SCAMP1: variants seen among roughly 807,000 people sequenced by gnomAD.
The protein encoded by SCAMP1 is secretory carrier-associated membrane protein 1.
In SCAMP1, 15 loss-of-function variants were observed where a neutral mutation model predicts 41.8. That is an observed-to-expected ratio of 0.36 (90% CI 0.24 to 0.55). SCAMP1 has a LOEUF of 0.55. SCAMP1 is among the 20% of genes least tolerant of loss of function. The pLI is 0.86. For synonymous variants in SCAMP1, 135 were observed against 136.8 expected, an observed-to-expected ratio of 0.99 and a Z score of 0.09; for missense variants, 341 against 412.6, an observed-to-expected ratio of 0.83 and a Z score of 1.50.
chr5:78,419,541 C>G (rs950372381), intron 5 of SCAMP1, among the ~76,000 whole-genome samples: 3 of 152,316 alleles, frequency 2.0e-5, no homozygotes, highest in Middle Eastern at 3.4e-3. Flanking sequence ...CAGTTTTACT[C>G]TGTGTGCACA....
chr5:78,369,709 C>T (rs899029642), intron 1 of SCAMP1, among the ~76,000 whole-genome samples: 2 of 152,090 alleles, frequency 1.3e-5, no homozygotes, highest in African/African-American at 4.8e-5. Flanking sequence ...ACTAGGTATT[C>T]CTGCATTTTC....
chr5:78,404,055 A>G (rs146046558), intron 2 of SCAMP1, among the ~76,000 whole-genome samples: 19 of 147,044 alleles, frequency 1.3e-4, no homozygotes, highest in Non-Finnish European at 2.4e-4. Flanking sequence ...GTTTGAGGCT[A>G]CAATTTGCTG....
Position 78,416,558 on chromosome 5 carries a change from A to G in SCAMP1, c.252A>G (p.Gln84=). The stretch of plus-strand genomic sequence containing the variant: ...TTATTTAGGAACATGCATTGGCCCA[A>G]GCTGAACTTCTTAAGCGCCAGGAAG... ...TQIAKEHALA[Q]AELLKRQEEL... Residue 84 remains glutamine (Q), a synonymous_variant, in exon 4 of 9, where the codon CAA becomes CAG. Transcript: ENST00000621999. 1 of 1,596,922 alleles carries G rather than the reference A, an allele frequency of 6.3e-7. No homozygotes were observed. Among genetic ancestry groups the G allele is most frequent in the East Asian group, 2.3e-5 (1 of 44,260 alleles).
chr5:78,466,465 G>C (rs1204972076), intron 8 of SCAMP1, among the ~76,000 whole-genome samples: 1 of 152,020 alleles, frequency 6.6e-6, no homozygotes, highest in Non-Finnish European at 1.5e-5. Context: ...AGGATAAGAG[G>C]GATAAGGAGG....
intron 6 of SCAMP1, among the ~76,000 whole-genome samples, chr5:78,433,706 A>G (rs780386796): frequency 6.6e-6 from 1 of 151,728 alleles, no homozygotes; most frequent in African/African-American, 2.4e-5. Context: ...CTCTTCGCAC[A>G]CTCTTCCCCC....
intron 2 of SCAMP1, among the ~76,000 whole-genome samples, chr5:78,402,666 T>A (rs10942851): frequency 6.6e-6 from 1 of 151,968 alleles, no homozygotes; most frequent in Non-Finnish European, 1.5e-5. Context: ...TTACTTCTAA[T>A]CCATATGTTT....
chr5:78,363,199 T>TTTTCTTTC (rs1192901986), intron 1 of SCAMP1, among the ~76,000 whole-genome samples: 2 of 138,470 alleles, frequency 1.4e-5, no homozygotes, highest in South Asian at 4.8e-4. Flanking sequence ...AGCAGATCGT[T>TTTTCTTTC]TTTCTTTCTT....
chr5:78,368,565 A>G (rs1750857305), intron 1 of SCAMP1, among the ~76,000 whole-genome samples: 1 of 152,226 alleles, frequency 6.6e-6, no homozygotes, highest in Non-Finnish European at 1.5e-5. Context: ...TCAGTTCCTT[A>G]AAATTAATAA....
chr5:78,443,505 T>G (rs1031912916), intron 6 of SCAMP1, among the ~76,000 whole-genome samples: 10 of 152,112 alleles, frequency 6.6e-5, no homozygotes, highest in African/African-American at 2.4e-4. Flanking sequence ...GGTCTAGGTT[T>G]GATATTGTTC....
intron 1 of SCAMP1, among the ~76,000 whole-genome samples, chr5:78,365,545 T>C (rs1750774737): frequency 6.6e-6 from 1 of 151,060 alleles, no homozygotes; most frequent in African/African-American, 2.4e-5. Context: ...TTTAGTGAAA[T>C]TTATGTTACT....
At chr5:78,470,703 T>C (rs1753865500) in intron 8 of SCAMP1, among the ~76,000 whole-genome samples, 2 of 152,162 alleles carry the variant, frequency 1.3e-5, no homozygotes, top group South Asian at 4.1e-4. Flanking sequence ...TGTAGTCTTA[T>C]AGTAATTCTA....
chr5:78,429,364 A>ATTTT (rs35131102), intron 6 of SCAMP1, among the ~76,000 whole-genome samples: 1 of 136,510 alleles, frequency 7.3e-6, no homozygotes. Context: ...TTTTTTTTTA[A>ATTTT]TTTTTTTTTA....
intron 6 of SCAMP1, among the ~76,000 whole-genome samples, chr5:78,438,990 A>G (rs1752844524): frequency 1.3e-5 from 2 of 151,894 alleles, no homozygotes; most frequent in African/African-American, 4.8e-5. Flanking sequence ...CTCTCTTTTG[A>G]TCTTTGTTGA....
At chr5:78,398,705 G>A (rs551267421) in intron 2 of SCAMP1, among the ~76,000 whole-genome samples, 126 of 151,486 alleles carry the variant, frequency 8.3e-4, no homozygotes, top group African/African-American at 3.0e-3. Context: ...CACCACACCC[G>A]CCTACTTTTT....
At chr5:78,392,263 A>G (rs537606675) in intron 2 of SCAMP1, among the ~76,000 whole-genome samples, 203 of 152,328 alleles carry the variant, frequency 1.3e-3, no homozygotes, top group African/African-American at 3.6e-3. Context: ...TTGAATTCTC[A>G]TAATATTCAA....
At chr5:78,389,112 T>C (rs1016634575) in intron 2 of SCAMP1, among the ~76,000 whole-genome samples, 198 bp downstream of exon 2, 6 of 152,258 alleles carry the variant, frequency 3.9e-5, no homozygotes, top group Admixed American at 3.9e-4. Flanking sequence ...ATGATCCTAG[T>C]GAAATACTTC....
Position 78,449,916 on chromosome 5 carries a change from CT to C in SCAMP1, c.633-6del, listed in dbSNP as rs761645299. Reference sequence around the variant, plus strand: ...CCCTAACCCCCTTTTTTCTTTCTTTCTTTTTTTTTTTCAAAGGAGTGACAGT... The same window carrying C: ...CCCTAACCCCCTTTTTTCTTTCTTTCTTTTTTTTTTCAAAGGAGTGACAGT... On this transcript the variant is annotated splice_polypyrimidine_tract_variant and intron_variant, in intron 6 of 8. Transcript: ENST00000621999. The C allele has an allele frequency of 0.021, 21,532 of 1,019,426 alleles. No homozygotes were observed. The highest frequency in any genetic ancestry group is 0.028 in the South Asian group (1,408 of 49,818). 63.1% of individuals were successfully genotyped at this position (1,019,426 alleles called of 1,614,324 possible).
chr5:78,413,584 A>G (rs573498951), intron 2 of SCAMP1, among the ~76,000 whole-genome samples: 12 of 151,902 alleles, frequency 7.9e-5, no homozygotes, highest in African/African-American at 2.9e-4. Context: ...TGCCTGTCTA[A>G]TTTTTTGTAT....
chr5:78,450,787 T>C (rs961333883), intron 7 of SCAMP1, among the ~76,000 whole-genome samples: 4 of 152,216 alleles, frequency 2.6e-5, no homozygotes, highest in Admixed American at 1.3e-4. Flanking sequence ...TAAACCAAAA[T>C]TGAAATTAGC....
Sources: gnomAD v4.1 joint callset for allele counts (sites outside exome capture counted in the v4.1 genomes callset) on GRCh38, gnomAD v4.1.1 for gene constraint, MANE v1.5 for transcripts, NCBI Gene and HGNC (gene_info 2026-07-23, HGNC 2026-07-21) for gene names.